The following ASCC3 variants were observed in gnomAD, a reference collection of about 807,000 sequenced individuals.
ASCC3 encodes activating signal cointegrator 1 complex subunit 3, also known as ASC-1 complex subunit P200.
ASCC3 carries 158 observed loss-of-function variants against 256.3 expected under a neutral mutation model. The observed-to-expected ratio is 0.62, with a 90% CI of 0.54 to 0.70. The LOEUF is 0.70. ASCC3 is among the 30% of genes least tolerant of loss of function. ASCC3 has a pLI of 0.00. For synonymous variants in ASCC3, 948 were observed against 883.4 expected, an observed-to-expected ratio of 1.07 and a Z score of -1.30; for missense variants, 2,259 against 2,626.0, an observed-to-expected ratio of 0.86 and a Z score of 3.05.
At chr6:100,517,818 A>G (rs1298268170) in intron 38 of ASCC3, among the ~76,000 whole-genome samples, 173 bp downstream of exon 38, 1 of 152,164 alleles carries the variant, frequency 6.6e-6, no homozygotes, top group Admixed American at 6.6e-5. Flanking sequence ...TGATGATCAA[A>G]TTCCAAACAA....
chr6:100,671,920 T>C (rs1206139939), intron 14 of ASCC3, among the ~76,000 whole-genome samples: 1 of 152,198 alleles, frequency 6.6e-6, no homozygotes, highest in East Asian at 1.9e-4. Flanking sequence ...ATTAGACTCA[T>C]GCCACATAGT....
chr6:100,713,408 C>T lies in ASCC3; in HGVS notation c.2151+2054G>A, dbSNP rs187745210. Among the ~76,000 whole-genome samples, 67 of 152,122 alleles carry T rather than the reference C, an allele frequency of 4.4e-4. No individual in the cohort carries two copies. The East Asian group carries it at 9.3e-3, about 21-fold the overall frequency. ...GAGAGTAAAAAGATCAGCAGTTAAG[C>T]GGGAGGACAGAAAAACAGGCTTAAC... On this transcript the variant is annotated intron_variant, in intron 13 of 41. Coordinates refer to ENST00000369162, the MANE Select transcript of ASCC3 (RefSeq NM_006828.4).
intron 3 of ASCC3, among the ~76,000 whole-genome samples, chr6:100,853,812 T>G (rs1260986302): frequency 6.6e-6 from 1 of 152,192 alleles, no homozygotes; most frequent in Non-Finnish European, 1.5e-5. Flanking sequence ...CCTGACCTGT[T>G]AAATCCTCAG....
chr6:100,510,763 G>A (rs886160701), intron 40 of ASCC3, among the ~76,000 whole-genome samples: 3 of 151,988 alleles, frequency 2.0e-5, no homozygotes, highest in Admixed American at 6.5e-5. Context: ...TATAATGATC[G>A]CACTTGAGGT....
intron 10 of ASCC3, among the ~76,000 whole-genome samples, chr6:100,739,866 A>T (rs1242646531): frequency 6.6e-6 from 1 of 151,738 alleles, no homozygotes; most frequent in Non-Finnish European, 1.5e-5. Flanking sequence ...AATTTTGTTA[A>T]TTTTTTTAAA....
intron 8 of ASCC3, among the ~76,000 whole-genome samples, chr6:100,767,631 C>T (rs931920735): frequency 1.5e-4 from 22 of 151,464 alleles, no homozygotes; most frequent in Admixed American, 3.9e-4. Flanking sequence ...TTTTTTGAGA[C>T]GGAGTCTCAC....
chr6:100,758,935 T>C (rs1433181528), intron 10 of ASCC3, among the ~76,000 whole-genome samples: 2 of 152,356 alleles, frequency 1.3e-5, no homozygotes, highest in African/African-American at 4.8e-5. Context: ...ATTGCCATTC[T>C]GACTGATGTG....
chr6:100,513,922 TA>T (rs1270453595), intron 39 of ASCC3, among the ~76,000 whole-genome samples: 2 of 151,948 alleles, frequency 1.3e-5, no homozygotes, highest in African/African-American at 4.8e-5. Flanking sequence ...TTTTTTTTTT[TA>T]ATCAGTTGTT....
chr6:100,692,226 C>G (rs1777879065), intron 13 of ASCC3, among the ~76,000 whole-genome samples: 1 of 152,008 alleles, frequency 6.6e-6, no homozygotes, highest in Admixed American at 6.6e-5. Context: ...CTTTCTTGAA[C>G]TAAACATCAC....
Position 100,638,784 on chromosome 6 carries a change from CA to C in ASCC3, c.3938del (p.Leu1313TrpfsTer49). The C allele has an allele frequency of 6.2e-7, 1 of 1,614,026 alleles. No homozygotes were observed. Among genetic ancestry groups the C allele is most frequent in the Non-Finnish European group, 8.5e-7 (1 of 1,179,978 alleles). On this transcript the variant is annotated frameshift_variant, in exon 25 of 42. Transcript: ENST00000369162. LOFTEE classifies it high-confidence loss of function. ...ACAGGGCTTCATATGCTTTACATCC[CA>C]AAGCTGTGATTGGTAAAGGCTGAAG... Reference protein sequence around the residue: ...LDLQPLPITALGCKAYEALYN... With the variant: ...LDLQPLPITAXGCKAYEALYN...
At chr6:100,515,585 G>A (rs543123504) in intron 39 of ASCC3, among the ~76,000 whole-genome samples, 1 of 152,276 alleles carries the variant, frequency 6.6e-6, no homozygotes, top group African/African-American at 2.4e-5. Flanking sequence ...TTGGAGACAT[G>A]ATCCTTGTTG....
At chr6:100,604,429 G>A (rs1236131288) in intron 33 of ASCC3, among the ~76,000 whole-genome samples, 7 of 151,132 alleles carry the variant, frequency 4.6e-5, no homozygotes, top group Admixed American at 1.3e-4. Context: ...CTTGAGATCA[G>A]TACTTAGACT....
intron 14 of ASCC3, 25 bp from the exon 15 acceptor site, chr6:100,662,561 T>C: frequency 1.9e-6 from 3 of 1,607,070 alleles, no homozygotes; most frequent in Non-Finnish European, 2.6e-6. Context: ...AGCGTAAGAG[T>C]ATTATTTAGC....
intron 37 of ASCC3, among the ~76,000 whole-genome samples, chr6:100,523,008 T>C (rs1774385669): frequency 6.8e-6 from 1 of 147,542 alleles, no homozygotes; most frequent in Non-Finnish European, 1.5e-5. Flanking sequence ...GCATACTAGA[T>C]AAACTGAAAC....
intron 10 of ASCC3, among the ~76,000 whole-genome samples, chr6:100,739,704 A>T (rs747497334): frequency 4.0e-5 from 6 of 151,710 alleles, no homozygotes; most frequent in Non-Finnish European, 7.4e-5. Flanking sequence ...CTTCTTCTAG[A>T]TTTTCTAGTT....
intron 11 of ASCC3, among the ~76,000 whole-genome samples, chr6:100,723,960 A>G (rs958016070): frequency 1.4e-5 from 2 of 145,774 alleles, no homozygotes; most frequent in Non-Finnish European, 3.0e-5. Flanking sequence ...ATGCATATAC[A>G]TCATATACAT....
At chr6:100,527,915 C>G (rs1282241008) in intron 37 of ASCC3, among the ~76,000 whole-genome samples, 1 of 151,654 alleles carries the variant, frequency 6.6e-6, no homozygotes, top group Non-Finnish European at 1.5e-5. Context: ...TCATGGCTCA[C>G]CACAGCCTCA....
At chr6:100,582,723 T>C (rs1771366075) in intron 36 of ASCC3, among the ~76,000 whole-genome samples, 1 of 151,962 alleles carries the variant, frequency 6.6e-6, no homozygotes, top group African/African-American at 2.4e-5. Flanking sequence ...GGCTGTGGGT[T>C]TGTCATAGAT....
intron 36 of ASCC3, among the ~76,000 whole-genome samples, chr6:100,585,602 G>T (rs1582501428): frequency 1.3e-5 from 2 of 152,282 alleles, no homozygotes; most frequent in African/African-American, 2.4e-5. Context: ...TCTCCCTCCA[G>T]CTTTGTTCCG....
Sources: gnomAD v4.1 joint callset for allele counts (sites outside exome capture counted in the v4.1 genomes callset) on GRCh38, gnomAD v4.1.1 for gene constraint, MANE v1.5 for transcripts, NCBI Gene and HGNC (gene_info 2026-07-23, HGNC 2026-07-21) for gene names.